Variants in NSMCE2 observed in about 807,000 individuals in gnomAD.
The protein encoded by NSMCE2 is NSE2 SUMO ligase component of SMC5/6 complex.
Under a neutral mutation model 23.8 loss-of-function variants are expected in NSMCE2, and 24 were observed. That is an observed-to-expected ratio of 1.01 (90% CI 0.73 to 1.42). The LOEUF (loss-of-function observed/expected upper bound fraction) is 1.42, where lower values mean the gene tolerates loss of function less well. Among genes scored for constraint, NSMCE2 ranks in the 40% most tolerant of loss-of-function variants. The pLI, the probability that NSMCE2 is intolerant of heterozygous loss-of-function variation, is 0.00. For synonymous variants in NSMCE2, 92 were observed against 94.1 expected (o/e 0.98, Z 0.13); for missense variants, 284 against 296.5 (o/e 0.96, Z 0.31).
At chr8:125,357,348 G>A (rs763109361) in intron 6 of NSMCE2, 29 bp downstream of exon 6, 2 of 1,387,882 alleles carry the variant, frequency 1.4e-6, no homozygotes, top group South Asian at 2.3e-5. Context: ...TCCCCTGAAA[G>A]AAACACGATT....
At chr8:125,364,997 G>A (rs1813716564) in intron 7 of NSMCE2, among the ~76,000 whole-genome samples, 2 of 152,142 alleles carry the variant, frequency 1.3e-5, no homozygotes, top group African/African-American at 2.4e-5. Flanking sequence ...GAAGAAATAG[G>A]TGGTTTCATC....
At chr8:125,342,569 C>T (rs1830289845) in intron 5 of NSMCE2, among the ~76,000 whole-genome samples, 1 of 152,132 alleles carries the variant, frequency 6.6e-6, no homozygotes, top group Admixed American at 6.6e-5. Flanking sequence ...CTCAGTGATG[C>T]CTTCCCTTGG....
intron 5 of NSMCE2, among the ~76,000 whole-genome samples, chr8:125,230,750 T>C (rs992408167): frequency 1.3e-5 from 2 of 152,140 alleles, no homozygotes; most frequent in African/African-American, 4.8e-5. Context: ...CTGGGCAAAA[T>C]AGATTTGCAA....
rs149535698 is a variant in NSMCE2 at position 125,352,126 on chromosome 8, G to A, written c.419-5093G>A. Among the ~76,000 whole-genome samples, 614 of 152,214 alleles carry A rather than the reference G, an allele frequency of 4.0e-3. 13 individuals are homozygous for A. The highest frequency in any genetic ancestry group is 0.034 in the Admixed American group (524 of 15,296). ...GAGTAAATGAAATAATGTATATGACGTGCTTAGCACTGTAGCTGCTATATA... is the reference window on the plus strand; with the variant it reads ...GAGTAAATGAAATAATGTATATGACATGCTTAGCACTGTAGCTGCTATATA... On this transcript the variant is annotated intron_variant, in intron 5 of 7. Coordinates refer to ENST00000287437, the MANE Select transcript of NSMCE2 (RefSeq NM_173685.4).
At chr8:125,207,775 A>G (rs940264240) in intron 5 of NSMCE2, among the ~76,000 whole-genome samples, 10 of 152,162 alleles carry the variant, frequency 6.6e-5, no homozygotes. Flanking sequence ...CTGCGCCTAG[A>G]ATGTCTTCAG....
intron 5 of NSMCE2, among the ~76,000 whole-genome samples, chr8:125,336,095 C>G (rs1439873444): frequency 6.6e-6 from 1 of 151,828 alleles, no homozygotes; most frequent in African/African-American, 2.4e-5. Context: ...GGACCCCACT[C>G]CTGGTAGAAA....
At chr8:125,129,381 A>G (rs1234628059) in intron 3 of NSMCE2, among the ~76,000 whole-genome samples, 3 of 152,204 alleles carry the variant, frequency 2.0e-5, no homozygotes, top group African/African-American at 4.8e-5. Flanking sequence ...TTGCTATTAC[A>G]GATCAGGAAA....
intron 5 of NSMCE2, among the ~76,000 whole-genome samples, chr8:125,296,619 C>T (rs543785529): frequency 6.6e-6 from 1 of 152,232 alleles, no homozygotes; most frequent in East Asian, 1.9e-4. Context: ...TGGTCTCAAA[C>T]TCCTGACCTC....
At chr8:125,265,803 A>G (rs1182300590) in intron 5 of NSMCE2, among the ~76,000 whole-genome samples, 2 of 152,050 alleles carry the variant, frequency 1.3e-5, no homozygotes, top group Non-Finnish European at 2.9e-5. Flanking sequence ...CTGAACATCT[A>G]TTGATCCTTA....
chr8:125,322,017 A>AT (rs1563783961), intron 5 of NSMCE2, among the ~76,000 whole-genome samples: 1 of 147,224 alleles, frequency 6.8e-6, no homozygotes, highest in Non-Finnish European at 1.5e-5. Flanking sequence ...TCACATCAAT[A>AT]TTTTTTTGTT....
chr8:125,160,820 G>A (rs1435074567), intron 4 of NSMCE2, among the ~76,000 whole-genome samples: 3 of 152,146 alleles, frequency 2.0e-5, no homozygotes, highest in African/African-American at 7.2e-5. Context: ...CTCTGTGTAC[G>A]AGTACACAAT....
intron 5 of NSMCE2, among the ~76,000 whole-genome samples, chr8:125,330,395 C>T (rs188252954): frequency 6.8e-4 from 104 of 152,004 alleles, no homozygotes; most frequent in African/African-American, 2.4e-3. Flanking sequence ...AGGCTGGTCT[C>T]GAACTCCTGA....
At chr8:125,131,504 G>T (rs1819769038) in intron 3 of NSMCE2, among the ~76,000 whole-genome samples, 2 of 152,068 alleles carry the variant, frequency 1.3e-5, no homozygotes, top group African/African-American at 4.8e-5. Context: ...GCCAAGAATT[G>T]AGTTACATCA....
At position 125,188,768 on chromosome 8, in the gene NSMCE2, G is replaced by T. The variant is rs77537002; in HGVS notation, c.418+6512G>T. ...CTGCGAACTAAGGCCAAAATGTGCAGTTTGCTTCATTTGGGAATGTGTATT... is the reference window on the plus strand; with the variant it reads ...CTGCGAACTAAGGCCAAAATGTGCATTTTGCTTCATTTGGGAATGTGTATT... On this transcript the variant is annotated intron_variant, in intron 5 of 7. Coordinates refer to ENST00000287437, the MANE Select transcript of NSMCE2 (RefSeq NM_173685.4). Among the ~76,000 whole-genome samples, 245 of 152,312 alleles carry T rather than the reference G, an allele frequency of 1.6e-3. 1 individual carries two copies. The highest frequency in any genetic ancestry group is 5.7e-3 in the African/African-American group (237 of 41,560).
At chr8:125,328,803 G>A (rs543290145) in intron 5 of NSMCE2, among the ~76,000 whole-genome samples, 24 of 152,056 alleles carry the variant, frequency 1.6e-4, no homozygotes, top group African/African-American at 5.5e-4. Context: ...TTTAGTGGCA[G>A]GGGAGTTATA....
At chr8:125,352,345 G>A (rs893875226) in intron 5 of NSMCE2, among the ~76,000 whole-genome samples, 1 of 151,856 alleles carries the variant, frequency 6.6e-6, no homozygotes, top group Non-Finnish European at 1.5e-5. Flanking sequence ...AGGTGGTGGT[G>A]CATGCCTGTA....
At chr8:125,099,312 C>G (rs1457114992) in intron 1 of NSMCE2, among the ~76,000 whole-genome samples, 1 of 151,924 alleles carries the variant, frequency 6.6e-6, no homozygotes, top group Non-Finnish European at 1.5e-5. Context: ...CAGGGAAGGC[C>G]TTACTGATGA....
chr8:125,296,650 C>T (rs1828340139), intron 5 of NSMCE2, among the ~76,000 whole-genome samples: 1 of 152,136 alleles, frequency 6.6e-6, no homozygotes, highest in East Asian at 1.9e-4. Context: ...CCCACCTTGG[C>T]CTCCCAAAGT....
intron 5 of NSMCE2, among the ~76,000 whole-genome samples, chr8:125,316,704 T>A (rs936292715): frequency 1.5e-5 from 2 of 132,342 alleles, no homozygotes; most frequent in African/African-American, 5.2e-5. Flanking sequence ...CTTTCCTTCC[T>A]TCCTTCTTTC....
Sources: gnomAD v4.1 joint callset for allele counts (sites outside exome capture counted in the v4.1 genomes callset) on GRCh38, gnomAD v4.1.1 for gene constraint, MANE v1.5 for transcripts, NCBI Gene and HGNC (gene_info 2026-07-23, HGNC 2026-07-21) for gene names.